GAPVD1: variants seen among roughly 807,000 people sequenced by gnomAD.
GAPVD1 encodes the protein GTPase-activating protein and VPS9 domain-containing protein 1.
GAPVD1 carries 35 observed loss-of-function variants against 155.5 expected under a neutral mutation model. The ratio of observed to expected loss-of-function variants is 0.23; its 90% CI spans 0.17 to 0.30. The LOEUF is 0.30. Among genes scored for constraint, GAPVD1 ranks in the 10% least tolerant of loss-of-function variants. The pLI is 1.00. For synonymous variants in GAPVD1, 636 were observed against 619.7 expected, an observed-to-expected ratio of 1.03 and a Z score of -0.39; for missense variants, 1,429 against 1,775.7, an observed-to-expected ratio of 0.80 and a Z score of 3.51.
intron 2 of GAPVD1, among the ~76,000 whole-genome samples, chr9:125,273,539 G>A (rs919009203): frequency 6.6e-6 from 1 of 151,134 alleles, no homozygotes; most frequent in South Asian, 2.1e-4. Context: ...TGCAGAAGAG[G>A]TGATTTATTG....
chr9:125,356,060 G>A (rs773255936), intron 25 of GAPVD1, among the ~76,000 whole-genome samples: 4 of 152,228 alleles, frequency 2.6e-5, no homozygotes, highest in Admixed American at 6.5e-5. Flanking sequence ...GCTGGAAGGA[G>A]TAGAAATTGG....
chr9:125,341,757 C>T (rs558253636), intron 18 of GAPVD1: 1 of 157,020 alleles, frequency 6.4e-6, no homozygotes, highest in South Asian at 2.0e-4. Flanking sequence ...AACAGCCTGG[C>T]ATCATTTGAG....
chr9:125,357,939 C>T (rs1184032604), intron 25 of GAPVD1, among the ~76,000 whole-genome samples: 1 of 151,732 alleles, frequency 6.6e-6, no homozygotes, highest in Non-Finnish European at 1.5e-5. Context: ...CACACCACTG[C>T]ACTCCAACCT....
Position 125,360,814 on chromosome 9 carries a change from CTT to C in GAPVD1, c.4242+92_4242+93del, listed in dbSNP as rs556809446. ...TCACACAACCATAGATATCTTGGCT[CTT>C]TTCCAAGTCACAAGCTCTGGGTTAC... On this transcript the variant is annotated intron_variant, in intron 27 of 27. Transcript: ENST00000297933. The C allele has an allele frequency of 3.2e-6, 3 of 944,472 alleles. No individual in the cohort carries two copies. In the African/African-American group the frequency reaches 4.9e-5, roughly 15 times the overall value. 58.5% of individuals were successfully genotyped at this position (944,472 alleles called of 1,614,324 possible).
intron 2 of GAPVD1, among the ~76,000 whole-genome samples, chr9:125,271,989 T>C (rs1009590333): frequency 1.3e-5 from 2 of 152,236 alleles, no homozygotes; most frequent in African/African-American, 2.4e-5. Context: ...TTTAAAAATA[T>C]AGATTTCTGT....
At chr9:125,349,320 A>T (rs779322029) in intron 20 of GAPVD1, 70 bp from the exon 21 acceptor site, 14 of 1,328,682 alleles carry the variant, frequency 1.1e-5, no homozygotes, top group Non-Finnish European at 1.4e-5. Flanking sequence ...AGTTGCTCTG[A>T]ATACCTACTA....
intron 2 of GAPVD1, chr9:125,287,651 T>C (rs574508464): frequency 2.0e-5 from 3 of 152,314 alleles, no homozygotes; most frequent in African/African-American, 7.2e-5. Flanking sequence ...GTTTGGAAAT[T>C]ATCTCTGAGG....
intron 2 of GAPVD1, among the ~76,000 whole-genome samples, chr9:125,275,958 C>A (rs1354212396): frequency 2.0e-5 from 3 of 152,118 alleles, no homozygotes; most frequent in Non-Finnish European, 4.4e-5. Context: ...ACCCACAAAC[C>A]ATTTATTACG....
At chr9:125,301,316 C>T (rs1034693141) in intron 4 of GAPVD1, among the ~76,000 whole-genome samples, 8 of 152,162 alleles carry the variant, frequency 5.3e-5, no homozygotes, top group African/African-American at 1.9e-4. Context: ...GTGATCCTCC[C>T]ACCTTGGCCT....
intron 2 of GAPVD1, among the ~76,000 whole-genome samples, chr9:125,294,998 TCAGA>T (rs958737546): frequency 2.0e-5 from 3 of 151,522 alleles, no homozygotes; most frequent in Non-Finnish European, 4.4e-5. Context: ...TTCTTTCGAG[TCAGA>T]CAGAACTGAG....
intron 24 of GAPVD1, among the ~76,000 whole-genome samples, chr9:125,355,205 C>A (rs1456571817): frequency 1.7e-4 from 13 of 76,244 alleles, no homozygotes; most frequent in Non-Finnish European, 2.3e-5. Context: ...CAACCTCTGT[C>A]TCCCTGGTAG....
intron 19 of GAPVD1, among the ~76,000 whole-genome samples, chr9:125,345,639 G>A (rs1290310380): frequency 2.0e-5 from 3 of 152,144 alleles, no homozygotes; most frequent in Admixed American, 1.3e-4. Context: ...AAGAAGAGCC[G>A]ATGAGCATGC....
intron 2 of GAPVD1, among the ~76,000 whole-genome samples, chr9:125,288,171 GC>G (rs1838019848): frequency 2.6e-5 from 4 of 151,074 alleles, no homozygotes; most frequent in Admixed American, 2.6e-4. Flanking sequence ...GAGTGCAGTG[GC>G]GCGATCTCGG....
intron 19 of GAPVD1, among the ~76,000 whole-genome samples, chr9:125,344,273 T>A (rs1369320466): frequency 6.6e-6 from 1 of 152,218 alleles, no homozygotes; most frequent in African/African-American, 2.4e-5. Context: ...TGTACGTGGC[T>A]TTTTCTTGAC....
intron 19 of GAPVD1, chr9:125,346,609 A>G (rs1848550683): frequency 1.7e-6 from 1 of 598,676 alleles, no homozygotes; most frequent in Non-Finnish European, 3.0e-6. Context: ...AGGTGGAGCT[A>G]CTCTTCCCAA....
chr9:125,313,197 C>A (rs1261427355), intron 9 of GAPVD1, among the ~76,000 whole-genome samples: 1 of 152,060 alleles, frequency 6.6e-6, no homozygotes, highest in African/African-American at 2.4e-5. Flanking sequence ...CTCCAAAGGC[C>A]CGATCTCCAA....
chr9:125,355,398 C>A (rs992914397), intron 24 of GAPVD1, among the ~76,000 whole-genome samples: 1 of 152,192 alleles, frequency 6.6e-6, no homozygotes, highest in Admixed American at 6.5e-5. Context: ...GCCACTGTGC[C>A]TGGCCTAGAA....
Position 125,349,491 on chromosome 9 carries a change from C to T in GAPVD1, c.3271C>T (p.His1091Tyr). ...DLPDSASQAA[H>Y]PQDSAFSYRD... ...CCCAGACTCTGCAAGCCAAGCAGCC[C>T]ACCCGCAGGATTCAGCTTTCTCTTA... Residue 1091 changes from histidine (H) to tyrosine (Y), a missense_variant, in exon 21 of 28, where the codon CAC (histidine) becomes TAC (tyrosine). By Grantham distance (83) the His-to-Tyr change is moderately conservative. Transcript: ENST00000297933. The T allele has an allele frequency of 6.2e-7, 1 of 1,614,078 alleles. No homozygotes were observed. Among genetic ancestry groups the T allele is most frequent in the Non-Finnish European group, 8.5e-7 (1 of 1,179,976 alleles).
chr9:125,350,758 T>A lies in GAPVD1; in HGVS notation c.3455T>A (p.Ile1152Asn), dbSNP rs1410548228. The part of the protein sequence containing the change: ...CFLKVQIAEA[I>N]NLQDKNLMAQ... Reference sequence around the variant, plus strand: ...TTAAAAGTTCAAATAGCTGAAGCAATTAATTTACAAGATAAGAATCTAATG... The same window carrying A: ...TTAAAAGTTCAAATAGCTGAAGCAAATAATTTACAAGATAAGAATCTAATG... Residue 1152 changes from isoleucine to asparagine, a missense_variant, in exon 23 of 28, where the codon ATT (isoleucine) becomes AAT (asparagine). Around this residue, in one of 4 missense-constraint regions of GAPVD1, gnomAD observed 699 missense variants for 826.0 expected, o/e 0.85. Transcript: ENST00000297933. 1 of 1,578,752 alleles carries A rather than the reference T, an allele frequency of 6.3e-7. No homozygotes were observed. The highest frequency in any genetic ancestry group is 8.7e-7 in the Non-Finnish European group (1 of 1,148,026).
Sources: allele counts gnomAD v4.1 joint callset (sites outside exome capture counted in the v4.1 genomes callset), GRCh38; gene constraint gnomAD v4.1.1; regional missense constraint gnomAD v4.1.1; transcripts MANE v1.5; gene names NCBI Gene and HGNC (gene_info 2026-07-23, HGNC 2026-07-21).